The following KCNIP4 variants were observed in gnomAD, a reference collection of about 807,000 sequenced individuals.
KCNIP4 encodes the protein Kv channel-interacting protein 4.
In KCNIP4, 12 loss-of-function variants were observed where a neutral mutation model predicts 34.0. That is an observed-to-expected ratio of 0.35 (90% CI 0.23 to 0.57). The LOEUF (loss-of-function observed/expected upper bound fraction) is 0.57, where lower values mean the gene tolerates loss of function less well. Ranked by LOEUF, KCNIP4 falls within the 20% of genes least tolerant of loss-of-function variation. The probability of loss-of-function intolerance (pLI) is 0.83; values close to 1 mark genes in which losing one functional copy is unlikely to be tolerated. For missense variants in KCNIP4, 238 were observed against 311.7 expected, an observed-to-expected ratio of 0.76 and a Z score of 1.78; for synonymous variants, 124 against 102.2, an observed-to-expected ratio of 1.21 and a Z score of -1.29.
chr4:21,070,473 T>G (rs1194799452), intron 1 of KCNIP4, among the ~76,000 whole-genome samples: 2 of 151,986 alleles, frequency 1.3e-5, no homozygotes, highest in African/African-American at 4.8e-5. Context: ...AGTTTTTACT[T>G]TAGCTGTTCT....
At chr4:20,748,419 C>T (rs1376767777) in intron 5 of KCNIP4, among the ~76,000 whole-genome samples, 1 of 151,894 alleles carries the variant, frequency 6.6e-6, no homozygotes, top group African/African-American at 2.4e-5. Flanking sequence ...TTCCCTGCTA[C>T]AGCCCCTTTT....
chr4:21,301,720 G>A (rs1256405635), intron 1 of KCNIP4, among the ~76,000 whole-genome samples: 1 of 152,074 alleles, frequency 6.6e-6, no homozygotes, highest in Non-Finnish European at 1.5e-5. Context: ...AAATTAGGCT[G>A]TAACTGTAGA....
chr4:20,785,806 T>C (rs1329212136), intron 3 of KCNIP4, among the ~76,000 whole-genome samples: 1 of 152,030 alleles, frequency 6.6e-6, no homozygotes, highest in Non-Finnish European at 1.5e-5. Flanking sequence ...CCCCAATCTA[T>C]AAAACTCCTA....
chr4:21,431,011 A>C (rs1380817), intron 1 of KCNIP4, among the ~76,000 whole-genome samples: 42,569 of 151,994 alleles, frequency 0.28, 7,011 homozygotes, highest in Non-Finnish European at 0.38. Context: ...GGAATGGAAT[A>C]TGCTTCTGGT....
intron 1 of KCNIP4, among the ~76,000 whole-genome samples, chr4:21,437,996 C>G (rs1320822916): frequency 6.6e-6 from 1 of 151,626 alleles, no homozygotes; most frequent in African/African-American, 2.4e-5. Context: ...TACATGTAAA[C>G]TCTGTTTTCC....
intron 1 of KCNIP4, among the ~76,000 whole-genome samples, chr4:21,549,329 T>A (rs1738373975): frequency 6.6e-6 from 1 of 151,936 alleles, no homozygotes; most frequent in Non-Finnish European, 1.5e-5. Flanking sequence ...TCCCCCATGG[T>A]GAATGTGGGG....
At chr4:21,461,002 G>C (rs186954442) in intron 1 of KCNIP4, among the ~76,000 whole-genome samples, 1 of 152,006 alleles carries the variant, frequency 6.6e-6, no homozygotes, top group Non-Finnish European at 1.5e-5. Context: ...ATAACAAATT[G>C]ACAATGCTGC....
At chr4:21,819,454 A>T (rs1333528361) in intron 1 of KCNIP4, among the ~76,000 whole-genome samples, 1 of 152,244 alleles carries the variant, frequency 6.6e-6, no homozygotes, top group East Asian at 1.9e-4. Flanking sequence ...TTCACGTGTA[A>T]CCTGATATTT....
chr4:21,289,881 C>A (rs1329367503), intron 1 of KCNIP4, among the ~76,000 whole-genome samples: 1 of 152,132 alleles, frequency 6.6e-6, no homozygotes, highest in African/African-American at 2.4e-5. Flanking sequence ...CGCTTCCTCA[C>A]CCCACCCTTT....
chr4:20,971,123 T>C (rs574741651), intron 1 of KCNIP4, among the ~76,000 whole-genome samples: 1 of 152,250 alleles, frequency 6.6e-6, no homozygotes, highest in East Asian at 1.9e-4. Context: ...AAGAAAGGCA[T>C]GAAGATGAAA....
At chr4:21,795,270 G>A (rs555473240) in intron 1 of KCNIP4, among the ~76,000 whole-genome samples, 122 of 152,274 alleles carry the variant, frequency 8.0e-4, no homozygotes, top group Non-Finnish European at 1.5e-3. Flanking sequence ...GGTGAGGAGC[G>A]TAGTCAAAAA....
intron 1 of KCNIP4, among the ~76,000 whole-genome samples, chr4:20,901,902 A>C (rs1273154177): frequency 1.3e-5 from 2 of 152,060 alleles, no homozygotes; most frequent in Non-Finnish European, 2.9e-5. Context: ...GAAAGGAAAA[A>C]AAAAAACACA....
chr4:21,838,703 G>A (rs1254132695), intron 1 of KCNIP4, among the ~76,000 whole-genome samples: 5 of 152,072 alleles, frequency 3.3e-5, no homozygotes, highest in African/African-American at 1.2e-4. Context: ...TCTTTCACCA[G>A]TGTAAAGAAG....
intron 1 of KCNIP4, among the ~76,000 whole-genome samples, chr4:21,451,091 A>T (rs977868207): frequency 6.6e-6 from 1 of 152,148 alleles, no homozygotes; most frequent in Non-Finnish European, 1.5e-5. Context: ...CAACAAAAAA[A>T]TTGGGGTAAT....
intron 1 of KCNIP4, among the ~76,000 whole-genome samples, chr4:21,045,919 C>T (rs1436131346): frequency 6.6e-6 from 1 of 152,072 alleles, no homozygotes; most frequent in South Asian, 2.1e-4. Flanking sequence ...ACCGATCCTG[C>T]CTTGTTTTGT....
Position 20,972,600 on chromosome 4 carries a change from G to A in KCNIP4, c.62-89891C>T, listed in dbSNP as rs151266659. Among the ~76,000 whole-genome samples, 891 of 152,230 alleles carry A rather than the reference G, an allele frequency of 5.9e-3. 3 individuals carry two copies. The highest frequency in any genetic ancestry group is 0.01 in the Middle Eastern group (3 of 294). The stretch of plus-strand genomic sequence containing the variant: ...TATAAACAGATGTGTTGTCATTCAG[G>A]CTTTGTTGTTCCACTTACAGAGCAC... On this transcript the variant is annotated intron_variant, in intron 1 of 8. Transcript: ENST00000382152.
intron 3 of KCNIP4, among the ~76,000 whole-genome samples, chr4:20,812,691 T>C (rs1715916599): frequency 6.6e-6 from 1 of 152,148 alleles, no homozygotes; most frequent in Non-Finnish European, 1.5e-5. Flanking sequence ...TAAGGAGATT[T>C]CTTCTGAGGG....
At chr4:21,389,027 C>T (rs540100522) in intron 1 of KCNIP4, among the ~76,000 whole-genome samples, 2 of 151,574 alleles carry the variant, frequency 1.3e-5, no homozygotes, top group Non-Finnish European at 2.9e-5. Flanking sequence ...CTCTGTTACA[C>T]CAGCTGAAGT....
intron 1 of KCNIP4, among the ~76,000 whole-genome samples, chr4:21,306,031 C>A (rs1413852519): frequency 6.6e-6 from 1 of 152,190 alleles, no homozygotes; most frequent in Admixed American, 6.5e-5. Flanking sequence ...GCACTTCTTA[C>A]TTCATAGATG....
Sources: gnomAD v4.1 joint callset for allele counts (sites outside exome capture counted in the v4.1 genomes callset) on GRCh38, gnomAD v4.1.1 for gene constraint, MANE v1.5 for transcripts, NCBI Gene and HGNC (gene_info 2026-07-23, HGNC 2026-07-21) for gene names.